Variants in SHANK2 observed in about 807,000 individuals in gnomAD.
SHANK2 encodes the protein SH3 and multiple ankyrin repeat domains protein 2.
In SHANK2, 43 loss-of-function variants were observed where a neutral mutation model predicts 133.7. The ratio of observed to expected loss-of-function variants is 0.32; its 90% CI spans 0.25 to 0.41. The LOEUF (loss-of-function observed/expected upper bound fraction) is 0.41. Among genes scored for constraint, SHANK2 ranks in the 10% least tolerant of loss-of-function variants. SHANK2 has a pLI of 1.00. For missense variants in SHANK2, 1,994 were observed against 2,235.8 expected (o/e 0.89, Z 2.18); for synonymous variants, 1,017 against 952.8 (o/e 1.07, Z -1.24).
At chr11:71,091,992 G>A (rs537628165) in intron 8 of SHANK2, among the ~76,000 whole-genome samples, 24 of 152,316 alleles carry the variant, frequency 1.6e-4, no homozygotes, top group African/African-American at 5.5e-4. Flanking sequence ...TGAAAAACAC[G>A]CCCCTCGTGC....
At chr11:70,895,094 C>T (rs926466756) in intron 11 of SHANK2, among the ~76,000 whole-genome samples, 5 of 152,210 alleles carry the variant, frequency 3.3e-5, no homozygotes, top group Non-Finnish European at 7.3e-5. Flanking sequence ...TGCCCTGGCT[C>T]ACAGGAGGGA....
intron 8 of SHANK2, among the ~76,000 whole-genome samples, chr11:71,083,226 C>A (rs1951325224): frequency 6.6e-6 from 1 of 152,084 alleles, no homozygotes; most frequent in African/African-American, 2.4e-5. Context: ...TAGTGTGAGC[C>A]CCTGTGCCCA....
intron 4 of SHANK2, among the ~76,000 whole-genome samples, chr11:71,113,759 T>C (rs1396244436): frequency 3.3e-5 from 5 of 152,146 alleles, no homozygotes; most frequent in Non-Finnish European, 5.9e-5. Flanking sequence ...ACACCAGGTT[T>C]TTCTCCTACA....
intron 15 of SHANK2, among the ~76,000 whole-genome samples, chr11:70,682,745 C>T (rs182139615): frequency 1.5e-3 from 227 of 152,242 alleles, no homozygotes; most frequent in Middle Eastern, 3.4e-3. Flanking sequence ...CCTCCCAGGT[C>T]GGGGAGCATC....
intron 10 of SHANK2, among the ~76,000 whole-genome samples, chr11:70,927,202 A>G (rs1446436441): frequency 6.6e-6 from 1 of 152,196 alleles, no homozygotes; most frequent in African/African-American, 2.4e-5. Context: ...CTTTGTAGCT[A>G]TTTTATAAAC....
chr11:71,220,798 C>A (rs782060028), intron 2 of SHANK2, among the ~76,000 whole-genome samples: 1 of 152,034 alleles, frequency 6.6e-6, no homozygotes, highest in Non-Finnish European at 1.5e-5. Context: ...GGGTTCAATG[C>A]GGACAGAGTT....
chr11:70,577,637 G>T (rs2060132847), intron 17 of SHANK2, among the ~76,000 whole-genome samples: 1 of 152,238 alleles, frequency 6.6e-6, no homozygotes, highest in South Asian at 2.1e-4. Flanking sequence ...TGAGGGGCCA[G>T]GACTGGTTTC....
chr11:70,583,595 C>T (rs564828561), intron 17 of SHANK2, among the ~76,000 whole-genome samples: 7 of 152,316 alleles, frequency 4.6e-5, no homozygotes, highest in African/African-American at 1.2e-4. Flanking sequence ...CCAGATGGCA[C>T]GGAAAACATG....
chr11:70,864,291 GGAGATGA>G (rs1555068580), intron 11 of SHANK2: 1 of 166,106 alleles, frequency 6.0e-6, no homozygotes, highest in Non-Finnish European at 1.3e-5. Context: ...AAAAATTGAG[GGAGATGA>G]GAGTATCCAG....
At chr11:70,819,599 T>C (rs1464365510) in intron 12 of SHANK2, among the ~76,000 whole-genome samples, 10 of 152,114 alleles carry the variant, frequency 6.6e-5, no homozygotes, top group African/African-American at 2.4e-4. Flanking sequence ...GACCCAGACC[T>C]GGAGTTGGAC....
At chr11:70,898,282 G>GCGCA (rs1555076083) in intron 10 of SHANK2, among the ~76,000 whole-genome samples, 126 of 135,474 alleles carry the variant, frequency 9.3e-4, no homozygotes, top group African/African-American at 3.0e-3. Flanking sequence ...ATACACACAC[G>GCGCA]CACACACACA....
At chr11:70,874,217 CATCT>C (rs1396620825) in intron 11 of SHANK2, among the ~76,000 whole-genome samples, 2 of 152,092 alleles carry the variant, frequency 1.3e-5, no homozygotes, top group East Asian at 1.9e-4. Flanking sequence ...CTATATACTC[CATCT>C]ATCTATCCAT....
intron 14 of SHANK2, among the ~76,000 whole-genome samples, chr11:70,770,801 C>T (rs900674686): frequency 3.3e-5 from 5 of 152,068 alleles, no homozygotes; most frequent in African/African-American, 4.8e-5. Context: ...AGTCCCTCTC[C>T]GACACACAGA....
At chr11:70,616,887 G>C (rs991260793) in intron 17 of SHANK2, among the ~76,000 whole-genome samples, 3 of 152,208 alleles carry the variant, frequency 2.0e-5, no homozygotes, top group African/African-American at 7.2e-5. Context: ...GCCCCGCAAA[G>C]GGCCACAGGG....
intron 1 of SHANK2, among the ~76,000 whole-genome samples, chr11:71,230,631 CA>C (rs370428054): frequency 0.085 from 11,537 of 136,324 alleles, 478 homozygotes; most frequent in Middle Eastern, 0.15. Flanking sequence ...AGTTTGCAAA[CA>C]AAAAAAAAAA....
At chr11:71,214,524 C>T (rs1555119383) in intron 2 of SHANK2, among the ~76,000 whole-genome samples, 1 of 152,228 alleles carries the variant, frequency 6.6e-6, no homozygotes, top group African/African-American at 2.4e-5. Context: ...CCTTCCCTAA[C>T]CACACGTTTC....
At chr11:70,843,979 G>A (rs375651557) in intron 11 of SHANK2, among the ~76,000 whole-genome samples, 100 of 152,184 alleles carry the variant, frequency 6.6e-4, no homozygotes, top group African/African-American at 2.2e-3. Context: ...CTTCGTGGAC[G>A]ATTCTCCAGT....
intron 4 of SHANK2, among the ~76,000 whole-genome samples, chr11:71,117,087 T>C (rs1951993343): frequency 6.6e-6 from 1 of 152,190 alleles, no homozygotes; most frequent in Admixed American, 6.5e-5. Flanking sequence ...TGGCACCATC[T>C]TGGCTCACTG....
intron 8 of SHANK2, among the ~76,000 whole-genome samples, chr11:71,086,696 A>C (rs1951424677): frequency 6.6e-6 from 1 of 151,740 alleles, no homozygotes; most frequent in African/African-American, 2.4e-5. Flanking sequence ...TGAGACCCGC[A>C]CTGTGGCATT....
Sources: allele counts gnomAD v4.1 joint callset (sites outside exome capture counted in the v4.1 genomes callset), GRCh38; gene constraint gnomAD v4.1.1; transcripts MANE v1.5; gene names NCBI Gene and HGNC (gene_info 2026-07-23, HGNC 2026-07-21).